CD24: variants seen among roughly 807,000 people sequenced by gnomAD.
CD24 encodes the protein signal transducer CD24.
A neutral mutation model predicts 3.6 loss-of-function variants in CD24; 2 were observed. The ratio of observed to expected loss-of-function variants is 0.56; its 90% confidence interval spans 0.23 to 1.77. The LOEUF (loss-of-function observed/expected upper bound fraction) is 1.77. CD24 is among the 40% of genes most tolerant of loss of function. CD24 has a pLI of 0.18. For missense variants in CD24, 62 were observed against 93.6 expected, an observed-to-expected ratio of 0.66 and a Z score of 1.39; for synonymous variants, 33 against 44.9, an observed-to-expected ratio of 0.74 and a Z score of 1.06.
At position 106,972,927 on chromosome 6, in the gene CD24, C is replaced by A. The variant is rs933069389; in HGVS notation, c.70-1093G>T. 1.7e-4 allele frequency among the ~76,000 whole-genome samples: 26 copies of A among 152,214 alleles called. No homozygotes were observed. In the East Asian group the frequency reaches 4.2e-3, roughly 25 times the overall value. ...AACAAATATTGACTACAGAAATGTA[C>A]AAATCCTATCCAAAATAGATTAGTG... is the stretch of plus-strand genomic sequence containing the variant. On this transcript the variant is annotated intron_variant, in intron 1 of 1. Transcript: ENST00000606017.
At chr6:106,972,196 A>C (rs1280509834) in intron 1 of CD24, among the ~76,000 whole-genome samples, 1 of 152,242 alleles carries the variant, frequency 6.6e-6, no homozygotes, top group Non-Finnish European at 1.5e-5. Context: ...TTTCCCAGAA[A>C]GGGGGAGATT....
intron 1 of CD24, among the ~76,000 whole-genome samples, chr6:106,974,287 T>C (rs1232985136): frequency 6.6e-6 from 1 of 152,190 alleles, no homozygotes; most frequent in Non-Finnish European, 1.5e-5. Flanking sequence ...AGTAGTCACC[T>C]GGCTGCCTGG....
intron 1 of CD24, 50 bp from the exon 2 acceptor site, chr6:106,971,884 T>G (rs1772981089): frequency 4.1e-6 from 5 of 1,228,608 alleles, no homozygotes; most frequent in Non-Finnish European, 4.6e-6. Context: ...CACAGCTACC[T>G]CCATGTACTC....
chr6:106,971,613 G>C lies in CD24; in HGVS notation c.*48C>G. ...GGACTTCCAGACGCCATTTGGATTG[G>C]GTTTAGAAGATGGGGAAATTTAGAA... is the stretch of plus-strand genomic sequence containing the variant. On this transcript the variant is annotated 3_prime_UTR_variant, in exon 2 of 2. Coordinates refer to ENST00000606017, the MANE Select transcript of CD24 (RefSeq NM_001359084.1). 1 of 1,507,636 alleles carries C rather than the reference G, an allele frequency of 6.6e-7. No homozygotes were observed. Among genetic ancestry groups the C allele is most frequent in the South Asian group, 1.2e-5 (1 of 81,846 alleles). 93.4% of individuals were successfully genotyped at this position (1,507,636 alleles called of 1,614,324 possible). A position where few individuals can be genotyped will look rare whatever the true frequency, so the allele number is the denominator to read the frequency against.
At chr6:106,974,838 C>T (rs1474347336), upstream of CD24, 47 of 368,638 alleles carry the variant, frequency 1.3e-4, 2 homozygotes, top group East Asian at 2.2e-4. Context: ...CCGCCGCCTC[C>T]CCGCCTTCCC....
At chr6:106,974,747 G>A, upstream of CD24, 1 of 1,261,572 alleles carries the variant, frequency 7.9e-7, no homozygotes, top group Non-Finnish European at 1.1e-6. Flanking sequence ...GCGGCGAGCC[G>A]GCGAGACCTT....
At chr6:106,971,896 C>A in intron 1 of CD24, 62 bp from the exon 2 acceptor site, 1 of 1,076,670 alleles carries the variant, frequency 9.3e-7, no homozygotes, top group Non-Finnish European at 1.4e-6. Flanking sequence ...CATGTACTCT[C>A]ATATAAAATT....
rs1772964234 is a variant in CD24, at chr6:106,971,203, T to C, written c.*458A>G. 6.2e-6 allele frequency: 1 copy of C among 162,070 alleles called. No individual in the cohort carries two copies. The highest frequency in any genetic ancestry group is 2.4e-5 in the African/African-American group (1 of 41,498). 10.0% of individuals were successfully genotyped at this position (162,070 alleles called of 1,614,324 possible). ...AGGAATTACAGTAACACCTGGAAGTTCCTTCTCATGTACATATAAATAGAA... is the reference window on the plus strand; with the variant it reads ...AGGAATTACAGTAACACCTGGAAGTCCCTTCTCATGTACATATAAATAGAA... On this transcript the variant is annotated 3_prime_UTR_variant, in exon 2 of 2. Coordinates refer to ENST00000606017, the MANE Select transcript of CD24 (RefSeq NM_001359084.1).
At chr6:106,971,956 C>G in intron 1 of CD24, 122 bp from the exon 2 acceptor site, 1 of 677,708 alleles carries the variant, frequency 1.5e-6, no homozygotes, top group Non-Finnish European at 2.4e-6. Context: ...GTTCTCTTAC[C>G]CAACATCATT....
At chr6:106,974,484 C>A (rs1370830843) in intron 1 of CD24, 94 bp downstream of exon 1, 13 of 689,520 alleles carry the variant, frequency 1.9e-5, no homozygotes, top group Middle Eastern at 4.0e-4. Context: ...TGGCCCGAGG[C>A]AGGAGCGCAG....
chr6:106,971,818 G>T lies in CD24; in HGVS notation c.86C>A (p.Thr29Lys), dbSNP rs1236891033. 9.0e-6 allele frequency: 14 copies of T among 1,548,148 alleles called. No homozygotes were observed. Among genetic ancestry groups the T allele is most frequent in the Admixed American group, 2.0e-5 (1 of 50,842 alleles). ...LLPTQIYSSE[T>K]TTGTSSNSSQ... is the part of the protein sequence containing the mutation. ...GGAGTTACTTGAAGTTCCAGTTGTT[G>T]TTTCACTGGAATAAATCTAAAATAC... Residue 29 changes from threonine to lysine, a missense_variant, in exon 2 of 2, where the codon ACA becomes AAA. Thr to Lys is a moderately conservative substitution (Grantham distance 78, BLOSUM62 -1). Coordinates refer to ENST00000606017, the MANE Select transcript of CD24 (RefSeq NM_001359084.1).
upstream of CD24, chr6:106,975,034 G>A (rs1286856949): frequency 0.1 from 15,664 of 151,662 alleles, 859 homozygotes; most frequent in African/African-American, 0.14. Context: ...CAGGCGCCCA[G>A]CGCCTCCGGC....
In CD24 at chr6:106,971,460, C is replaced by T. The variant is rs1772969877; in HGVS notation, c.*201G>A. ...ACTCCAGCAGATTTAATATTGGCATCCATCATCTAGTCAAACCTCTCACAT... is the reference window on the plus strand; with the variant it reads ...ACTCCAGCAGATTTAATATTGGCATTCATCATCTAGTCAAACCTCTCACAT... On this transcript the variant is annotated 3_prime_UTR_variant, in exon 2 of 2. Coordinates refer to ENST00000606017, the MANE Select transcript of CD24 (RefSeq NM_001359084.1). The T allele has an allele frequency of 3.7e-6, 2 of 546,224 alleles. No homozygotes were observed. The highest frequency in any genetic ancestry group is 6.4e-6 in the Non-Finnish European group (2 of 314,170). 33.8% of individuals were successfully genotyped at this position (546,224 alleles called of 1,614,324 possible). A position where few individuals can be genotyped will look rare whatever the true frequency, so the allele number is the denominator to read the frequency against.
chr6:106,972,515 A>AAAGAC (rs1459613364), intron 1 of CD24, among the ~76,000 whole-genome samples: 1 of 152,204 alleles, frequency 6.6e-6, no homozygotes, highest in African/African-American at 2.4e-5. Flanking sequence ...CGATTTCACA[A>AAAGAC]AAGACAACGA....
chr6:106,971,973 T>C (rs926465354), intron 1 of CD24, 139 bp from the exon 2 acceptor site: 4 of 648,126 alleles, frequency 6.2e-6, no homozygotes. Context: ...CATTAACTTC[T>C]GAATTCTTGC....
At position 106,971,617 on chromosome 6, in the gene CD24, T is replaced by C. The variant is rs1251134606; in HGVS notation, c.*44A>G. 9.2e-6 allele frequency: 14 copies of C among 1,525,378 alleles called. No individual in the cohort carries two copies. Among genetic ancestry groups the C allele is most frequent in the Non-Finnish European group, 1.1e-5 (12 of 1,128,426 alleles). The allele number at this position is 1,525,378 out of a possible 1,614,324, so 94.5% of individuals were successfully genotyped here. The stretch of plus-strand genomic sequence containing the variant: ...TTCCAGACGCCATTTGGATTGGGTT[T>C]AGAAGATGGGGAAATTTAGAAGACG... On this transcript the variant is annotated 3_prime_UTR_variant, in exon 2 of 2. Coordinates refer to ENST00000606017, the MANE Select transcript of CD24 (RefSeq NM_001359084.1).
intron 1 of CD24, chr6:106,973,327 G>A (rs1188322004): frequency 3.9e-6 from 1 of 255,022 alleles, no homozygotes. Flanking sequence ...AATGTTGGAG[G>A]AAAAAAATCT....
Position 106,970,849 on chromosome 6 carries a change from G to A in CD24, c.*812C>T, listed in dbSNP as rs1199416489. The A allele has an allele frequency of 2.0e-5, 3 of 152,082 alleles. No individual in the cohort carries two copies. Among genetic ancestry groups the A allele is most frequent in the African/African-American group, 7.2e-5 (3 of 41,406 alleles). The allele number at this position is 152,082 out of a possible 1,614,324, so 9.4% of individuals were successfully genotyped here. A position where few individuals can be genotyped will look rare whatever the true frequency, so the allele number is the denominator to read the frequency against. ...TAAAAAGCATTTTGAAATTAGTCGT[G>A]GTCAATGCAATTCTACTCTTTGGAA... On this transcript the variant is annotated 3_prime_UTR_variant, in exon 2 of 2. Coordinates refer to ENST00000606017, the MANE Select transcript of CD24 (RefSeq NM_001359084.1).
upstream of CD24, chr6:106,975,106 C>T (rs1340889833): frequency 6.6e-6 from 1 of 152,148 alleles, no homozygotes; most frequent in African/African-American, 2.4e-5. Context: ...CCCAAGTTTC[C>T]TTTGTTTCCC....
Sources: gnomAD v4.1 joint callset for allele counts (sites outside exome capture counted in the v4.1 genomes callset) on GRCh38, gnomAD v4.1.1 for gene constraint, MANE v1.5 for transcripts, NCBI Gene and HGNC (gene_info 2026-07-23, HGNC 2026-07-21) for gene names.